Variants in TSPAN13 observed in about 807,000 individuals in gnomAD.
TSPAN13 encodes the protein tetraspanin 13.
A neutral mutation model predicts 26.9 loss-of-function variants in TSPAN13; 18 were observed. That is an observed-to-expected ratio of 0.67 (90% CI 0.46 to 0.99). The LOEUF (loss-of-function observed/expected upper bound fraction) is 0.99. TSPAN13 is among the 50% of genes least tolerant of loss of function. The pLI, the probability that TSPAN13 is intolerant of heterozygous loss-of-function variation, is 0.00. For synonymous variants in TSPAN13, 116 were observed against 98.4 expected, an observed-to-expected ratio of 1.18 and a Z score of -1.06; for missense variants, 201 against 249.6, an observed-to-expected ratio of 0.81 and a Z score of 1.31.
chr7:16,754,102 C>A, intron 1 of TSPAN13, 72 bp downstream of exon 1: 2 of 1,490,808 alleles, frequency 1.3e-6, no homozygotes, highest in Non-Finnish European at 1.8e-6. Context: ...GGCTTCCCTG[C>A]CTGGTCAGCG....
intron 1 of TSPAN13, among the ~76,000 whole-genome samples, chr7:16,772,077 T>G (rs545603232): frequency 6.6e-6 from 1 of 152,360 alleles, no homozygotes; most frequent in South Asian, 2.1e-4. Flanking sequence ...TACATTTACA[T>G]TAATAGATTC....
chr7:16,761,353 T>C (rs1784538971), intron 1 of TSPAN13, among the ~76,000 whole-genome samples: 2 of 152,242 alleles, frequency 1.3e-5, no homozygotes, highest in Non-Finnish European at 1.5e-5. Context: ...TTATAGAGTT[T>C]TCATATTTCC....
chr7:16,754,355 C>T (rs935149387), intron 1 of TSPAN13, among the ~76,000 whole-genome samples: 3 of 152,248 alleles, frequency 2.0e-5, no homozygotes, highest in African/African-American at 7.2e-5. Context: ...TTTCCCACCC[C>T]GTACCCTTCT....
chr7:16,777,226 A>T, intron 3 of TSPAN13, 104 bp downstream of exon 3: 1 of 796,654 alleles, frequency 1.3e-6, no homozygotes, highest in East Asian at 2.5e-5. Context: ...CTTGCACAGA[A>T]TGCCACCTTC....
At chr7:16,770,606 G>A (rs776080019) in intron 1 of TSPAN13, among the ~76,000 whole-genome samples, 2 of 152,014 alleles carry the variant, frequency 1.3e-5, no homozygotes, top group Non-Finnish European at 1.5e-5. Flanking sequence ...TCCTTCTTTT[G>A]TTATATTTGT....
rs1298410107 is a variant in TSPAN13, at chr7:16,783,446, C to T, written c.570C>T (p.Tyr190=). ...EILGVWLTYR[Y]RNQKDPRANP... ...TGGGTGTTTGGCTGACCTACAGATACAGGAACCAGAAAGACCCCCGCGCGA... is the reference window on the plus strand; with the variant it reads ...TGGGTGTTTGGCTGACCTACAGATATAGGAACCAGAAAGACCCCCGCGCGA... Residue 190 remains tyrosine, a synonymous_variant, in exon 6 of 6, where the codon TAC becomes TAT. Coordinates refer to ENST00000262067, the MANE Select transcript of TSPAN13 (RefSeq NM_014399.4). 1 of 1,613,592 alleles carries T rather than the reference C, an allele frequency of 6.2e-7. No homozygotes were observed. Among genetic ancestry groups the T allele is most frequent in the South Asian group, 1.1e-5 (1 of 91,036 alleles).
In TSPAN13 at chr7:16,753,810, G is replaced by GC; in HGVS notation, c.-157dup. On this transcript the variant is annotated 5_prime_UTR_variant, in exon 1 of 6. Coordinates refer to ENST00000262067, the MANE Select transcript of TSPAN13 (RefSeq NM_014399.4). ...AAGCGGGTCCGAGCCGCCGCCGCGCGCGCGCCGCGCACTGCAGCCCCAGGC... is the reference window on the plus strand; with the variant it reads ...AAGCGGGTCCGAGCCGCCGCCGCGCGCCGCGCCGCGCACTGCAGCCCCAGGC... 1.6e-6 allele frequency: 1 copy of GC among 638,646 alleles called. No individual in the cohort carries two copies. Among genetic ancestry groups the GC allele is most frequent in the African/African-American group, 2.0e-5 (1 of 50,840 alleles). 39.6% of individuals were successfully genotyped at this position (638,646 alleles called of 1,614,324 possible).
At chr7:16,780,594 A>T (rs569954574) in intron 5 of TSPAN13, among the ~76,000 whole-genome samples, 1 of 152,176 alleles carries the variant, frequency 6.6e-6, no homozygotes, top group African/African-American at 2.4e-5. Flanking sequence ...GATTTTTGTT[A>T]TGAAAACTTA....
Position 16,759,785 on chromosome 7 carries a change from C to T in TSPAN13, c.63+5755C>T, listed in dbSNP as rs371650249. On this transcript the variant is annotated intron_variant, in intron 1 of 5. Coordinates refer to ENST00000262067, the MANE Select transcript of TSPAN13 (RefSeq NM_014399.4). The stretch of plus-strand genomic sequence containing the variant: ...CACTGCCAGAGAGCTGTCTCCTGGG[C>T]TCAAGTGATCCTCCCACATCAGCCT... Among the ~76,000 whole-genome samples, 58 of 150,930 alleles carry T rather than the reference C, an allele frequency of 3.8e-4. No homozygotes were observed. In the South Asian group the frequency reaches 0.011, roughly 29 times the overall value.
chr7:16,767,789 A>G (rs905619519), intron 1 of TSPAN13, among the ~76,000 whole-genome samples: 3 of 152,038 alleles, frequency 2.0e-5, no homozygotes, highest in Admixed American at 6.6e-5. Flanking sequence ...GTGATTTAAC[A>G]TTTTTCATGT....
intron 1 of TSPAN13, among the ~76,000 whole-genome samples, chr7:16,760,408 A>G (rs76129157): frequency 0.019 from 2,835 of 152,280 alleles, 81 homozygotes; most frequent in African/African-American, 0.064. Context: ...ACAGATTACT[A>G]TGATTTGTGG....
At chr7:16,757,937 G>A (rs975696424) in intron 1 of TSPAN13, among the ~76,000 whole-genome samples, 5 of 152,090 alleles carry the variant, frequency 3.3e-5, no homozygotes, top group Admixed American at 2.6e-4. Flanking sequence ...GGGTTCAAGC[G>A]ATTCTCCTGC....
Position 16,777,818 on chromosome 7 carries a change from T to G in TSPAN13, c.333T>G (p.Gly111=), listed in dbSNP as rs1241566443. Residue 111 remains glycine, a synonymous_variant, in exon 4 of 6, where the codon GGT becomes GGG. Transcript: ENST00000262067. ...QEQQGQLLEV[G]WNNTASARND... ...ACTAGGGTCAGCTTCTGGAGGTTGGTTGGAACAATACGGCAAGTGCTCGAA... is the reference window on the plus strand; with the variant it reads ...ACTAGGGTCAGCTTCTGGAGGTTGGGTGGAACAATACGGCAAGTGCTCGAA... 1 of 1,613,692 alleles carries G rather than the reference T, an allele frequency of 6.2e-7. No homozygotes were observed. Among genetic ancestry groups the G allele is most frequent in the Non-Finnish European group, 8.5e-7 (1 of 1,179,714 alleles).
chr7:16,776,532 G>A (rs1296185514), intron 2 of TSPAN13, among the ~76,000 whole-genome samples, 154 bp downstream of exon 2: 1 of 152,064 alleles, frequency 6.6e-6, no homozygotes, highest in Non-Finnish European at 1.5e-5. Flanking sequence ...ATTTCTTAGG[G>A]TAATGTTATT....
chr7:16,783,313 C>T, intron 5 of TSPAN13, 104 bp from the exon 6 acceptor site: 1 of 1,096,596 alleles, frequency 9.1e-7, no homozygotes, highest in Non-Finnish European at 1.3e-6. Flanking sequence ...ACAAAAGATG[C>T]AAAGCGATTG....
At chr7:16,773,094 T>G (rs1784699743) in intron 1 of TSPAN13, among the ~76,000 whole-genome samples, 2 of 151,962 alleles carry the variant, frequency 1.3e-5, no homozygotes, top group Admixed American at 6.5e-5. Flanking sequence ...GCTATTCTGT[T>G]TATCTGAATT....
At chr7:16,772,221 C>G (rs1784687597) in intron 1 of TSPAN13, among the ~76,000 whole-genome samples, 1 of 152,136 alleles carries the variant, frequency 6.6e-6, no homozygotes, top group East Asian at 1.9e-4. Context: ...ACACTTCACC[C>G]CAGCTACATG....
intron 1 of TSPAN13, among the ~76,000 whole-genome samples, chr7:16,754,294 G>A (rs928268073): frequency 6.6e-6 from 1 of 151,954 alleles, no homozygotes; most frequent in Admixed American, 6.6e-5. Flanking sequence ...GCTCCACCCC[G>A]CCCCCTCACC....
At position 16,783,959 on chromosome 7, in the gene TSPAN13, T is replaced by C. The variant is rs1784843675; in HGVS notation, c.*468T>C. On this transcript the variant is annotated 3_prime_UTR_variant, in exon 6 of 6. Transcript: ENST00000262067. ...TTAAGGGAAATCCAAATTCCCAATT[T>C]TTTTTGGTCTTTTTAGGAAAGATTG... 1 of 105,544 alleles carries C rather than the reference T, an allele frequency of 9.5e-6. No homozygotes were observed. The highest frequency in any genetic ancestry group is 3.3e-5 in the African/African-American group (1 of 30,078). 6.5% of individuals were successfully genotyped at this position (105,544 alleles called of 1,614,324 possible). A position where few individuals can be genotyped will look rare whatever the true frequency, so the allele number is the denominator to read the frequency against.
Sources: allele counts gnomAD v4.1 joint callset (sites outside exome capture counted in the v4.1 genomes callset), GRCh38; gene constraint gnomAD v4.1.1; transcripts MANE v1.5; gene names NCBI Gene and HGNC (gene_info 2026-07-23, HGNC 2026-07-21).